SLC4A7: variants seen among roughly 807,000 people sequenced by gnomAD.
The protein encoded by SLC4A7 is solute carrier family 4 member 7, also known as sodium bicarbonate cotransporter 3.
A neutral mutation model predicts 137.6 loss-of-function variants in SLC4A7; 51 were observed. That is an observed-to-expected ratio of 0.37 (90% confidence interval 0.30 to 0.47). The LOEUF (loss-of-function observed/expected upper bound fraction) is 0.47. SLC4A7 is among the 20% of genes least tolerant of loss of function. SLC4A7 has a pLI of 1.00. For missense variants in SLC4A7, 1,247 were observed against 1,525.4 expected (o/e 0.82, Z 3.04); for synonymous variants, 542 against 518.6 (o/e 1.05, Z -0.61).
At chr3:27,430,763 C>A (rs1031419298) in intron 7 of SLC4A7, among the ~76,000 whole-genome samples, 2 of 151,648 alleles carry the variant, frequency 1.3e-5, no homozygotes, top group African/African-American at 4.9e-5. Flanking sequence ...ACCCAGGGAG[C>A]AGAGGCTGCA....
At chr3:27,426,198 T>C (rs1447342383) in intron 7 of SLC4A7, among the ~76,000 whole-genome samples, 2 of 152,214 alleles carry the variant, frequency 1.3e-5, no homozygotes. Flanking sequence ...CGAAAAATCT[T>C]AATTTGCAAT....
chr3:27,391,716 A>T, intron 21 of SLC4A7, 24 bp downstream of exon 21: 1 of 1,312,002 alleles, frequency 7.6e-7, no homozygotes. Context: ...TTCTATAGAA[A>T]ATCATTAAAT....
chr3:27,378,896 G>C (rs1410917369), intron 25 of SLC4A7, among the ~76,000 whole-genome samples: 1 of 151,824 alleles, frequency 6.6e-6, no homozygotes, highest in East Asian at 1.9e-4. Flanking sequence ...TGATAAAATA[G>C]CTCAGATTAT....
intron 1 of SLC4A7, among the ~76,000 whole-genome samples, chr3:27,467,229 G>A (rs2059046898): frequency 1.3e-5 from 2 of 151,992 alleles, no homozygotes; most frequent in South Asian, 4.1e-4. Flanking sequence ...AACTCCTTAT[G>A]GTAACACAGC....
rs774424730 is a variant in SLC4A7, at chr3:27,431,371, C to T, written c.1077G>A (p.Pro359=). ...GCGCTGCTTCTAAGTCTTCCTCAGG[C>T]GGATGAATTACTACTGTGGGAATAT... The part of the protein sequence containing the change: ...SDDIPTVVIH[P]PEEDLEAALK... Residue 359 remains proline, a synonymous_variant, in exon 7 of 26, where the codon CCG becomes CCA. Coordinates refer to ENST00000454389, the MANE Select transcript of SLC4A7 (RefSeq NM_001321103.2). 38 of 1,613,358 alleles carry T rather than the reference C, an allele frequency of 2.4e-5. No individual in the cohort carries two copies. The East Asian group carries it at 2.5e-4, about 10-fold the overall frequency.
At chr3:27,395,831 A>T (rs34981505) in intron 18 of SLC4A7, among the ~76,000 whole-genome samples, 32,486 of 152,162 alleles carry the variant, frequency 0.21, 3,559 homozygotes, top group Non-Finnish European at 0.25. Context: ...AGGTGAAATC[A>T]ATCTATCCAC....
chr3:27,413,247 T>A (rs868630024), intron 11 of SLC4A7, among the ~76,000 whole-genome samples: 2 of 152,298 alleles, frequency 1.3e-5, no homozygotes, highest in South Asian at 4.1e-4. Flanking sequence ...ACAGGAAGTT[T>A]TACATATACC....
At chr3:27,382,127 T>C (rs1021294789) in intron 24 of SLC4A7, among the ~76,000 whole-genome samples, 7 of 150,880 alleles carry the variant, frequency 4.6e-5, no homozygotes, top group African/African-American at 7.3e-5. Flanking sequence ...GTTATTATTA[T>C]CATTATTTTT....
At position 27,445,485 on chromosome 3, in the gene SLC4A7, C is replaced by A. The variant is rs935827116; in HGVS notation, c.289+3166G>T. ...CCAAAGTCCTGTGCTGCCTCTTATA[C>A]AATGTCTTAAAACTACTGTTTCATA... On this transcript the variant is annotated intron_variant, in intron 3 of 25. Transcript: ENST00000454389. Among the ~76,000 whole-genome samples the A allele has an allele frequency of 6.6e-5, 10 of 152,212 alleles. No individual in the cohort carries two copies. In the East Asian group the frequency reaches 1.7e-3, roughly 26 times the overall value.
In SLC4A7 at chr3:27,409,022, G is replaced by A. The variant is rs529247255; in HGVS notation, c.1941+334C>T. On this transcript the variant is annotated intron_variant, in intron 13 of 25. Coordinates refer to ENST00000454389, the MANE Select transcript of SLC4A7 (RefSeq NM_001321103.2). ...TAGCCCCACTGATAAAAACCCCCAT[G>A]ACCCACCCAGAATCAGTTCAACTGT... Among the ~76,000 whole-genome samples the A allele has an allele frequency of 2.6e-4, 40 of 152,118 alleles. 1 individual carries two copies. In the South Asian group the frequency reaches 4.4e-3, roughly 17 times the overall value.
At chr3:27,441,033 G>C (rs1483167907) in intron 3 of SLC4A7, among the ~76,000 whole-genome samples, 1 of 151,966 alleles carries the variant, frequency 6.6e-6, no homozygotes, top group African/African-American at 2.4e-5. Context: ...TGACAAGAGT[G>C]AGACTCCGTC....
At chr3:27,412,857 A>C (rs1302441793) in intron 11 of SLC4A7, among the ~76,000 whole-genome samples, 1 of 152,138 alleles carries the variant, frequency 6.6e-6, no homozygotes, top group African/African-American at 2.4e-5. Context: ...AAAATTAAGC[A>C]ATTATATTAA....
intron 6 of SLC4A7, 113 bp downstream of exon 6, chr3:27,433,803 T>C: frequency 2.4e-6 from 2 of 822,158 alleles, no homozygotes; most frequent in Non-Finnish European, 4.0e-6. Context: ...GGAGAAGTAA[T>C]TCAGAGGTAG....
intron 3 of SLC4A7, among the ~76,000 whole-genome samples, chr3:27,438,474 C>T (rs762803667): frequency 9.9e-5 from 15 of 151,918 alleles, no homozygotes; most frequent in Non-Finnish European, 2.1e-4. Context: ...CATTCCACTC[C>T]AGCCTGGGCG....
chr3:27,463,571 G>A (rs548087241), intron 1 of SLC4A7, among the ~76,000 whole-genome samples: 19 of 152,050 alleles, frequency 1.2e-4, no homozygotes, highest in Non-Finnish European at 2.5e-4. Context: ...AGCCCAATGC[G>A]GTGGCTAATG....
At chr3:27,481,805 T>C (rs971519173) in intron 1 of SLC4A7, among the ~76,000 whole-genome samples, 4 of 152,150 alleles carry the variant, frequency 2.6e-5, no homozygotes, top group Admixed American at 2.0e-4. Flanking sequence ...AATAATTCCT[T>C]TGTCATCTGT....
intron 1 of SLC4A7, among the ~76,000 whole-genome samples, chr3:27,470,224 ATCTT>A (rs1281783184): frequency 2.0e-5 from 3 of 151,320 alleles, no homozygotes; most frequent in African/African-American, 7.3e-5. Context: ...CTAATTGTAG[ATCTT>A]TTTTTTTTTT....
At chr3:27,392,696 A>T (rs957844888) in intron 20 of SLC4A7, among the ~76,000 whole-genome samples, 3 of 151,848 alleles carry the variant, frequency 2.0e-5, no homozygotes, top group Non-Finnish European at 4.4e-5. Flanking sequence ...GCATGGTGGC[A>T]CGTGCCTGTA....
intron 1 of SLC4A7, 87 bp downstream of exon 1, chr3:27,483,980 C>T: frequency 9.2e-7 from 1 of 1,083,318 alleles, no homozygotes; most frequent in African/African-American, 1.7e-5. Context: ...GTGGCCGAGC[C>T]GCGACGCCCG....
Sources: gnomAD v4.1 joint callset for allele counts (sites outside exome capture counted in the v4.1 genomes callset) on GRCh38, gnomAD v4.1.1 for gene constraint, MANE v1.5 for transcripts, NCBI Gene and HGNC (gene_info 2026-07-23, HGNC 2026-07-21) for gene names.